Variants in MAP4 observed in about 807,000 individuals in gnomAD.
The protein encoded by MAP4 is microtubule-associated protein 4.
MAP4 carries 76 observed loss-of-function variants against 170.2 expected under a neutral mutation model. That is an observed-to-expected ratio of 0.45 (90% CI 0.37 to 0.54). The LOEUF (loss-of-function observed/expected upper bound fraction) is 0.54, where lower values mean the gene tolerates loss of function less well. Ranked by LOEUF, MAP4 falls within the 20% of genes least tolerant of loss-of-function variation. The pLI is 0.00. For missense variants in MAP4, 2,506 were observed against 2,748.0 expected (o/e 0.91, Z 1.97); for synonymous variants, 909 against 994.5 (o/e 0.91, Z 1.62).
chr3:48,055,109 G>A (rs144199112), intron 1 of MAP4, among the ~76,000 whole-genome samples: 4 of 152,248 alleles, frequency 2.6e-5, no homozygotes, highest in East Asian at 1.9e-4. Flanking sequence ...CAAGATCAGC[G>A]GGGACCACGT....
chr3:48,002,981 A>AT (rs1421878452), intron 1 of MAP4, among the ~76,000 whole-genome samples: 3 of 150,346 alleles, frequency 2.0e-5, no homozygotes, highest in African/African-American at 7.4e-5. Flanking sequence ...AAATAAATAA[A>AT]TAAATAAATA....
intron 1 of MAP4, among the ~76,000 whole-genome samples, chr3:48,062,173 G>C (rs1232265491): frequency 6.6e-6 from 1 of 152,106 alleles, no homozygotes; most frequent in Non-Finnish European, 1.5e-5. Context: ...TTCTGCCTTG[G>C]GATGCTGTTG....
intron 3 of MAP4, among the ~76,000 whole-genome samples, chr3:47,952,237 C>T (rs1481371936): frequency 6.6e-6 from 1 of 151,726 alleles, no homozygotes; most frequent in Non-Finnish European, 1.5e-5. Context: ...CACCCGGCAG[C>T]CGCCCCGTCC....
In MAP4 at chr3:47,909,885, A is replaced by G. The variant is rs904254371; in HGVS notation, c.4536T>C (p.Ile1512=). 7.4e-6 allele frequency: 12 copies of G among 1,613,948 alleles called. No homozygotes were observed. The African/African-American group carries it at 1.6e-4, about 22-fold the overall frequency. Residue 1512 remains isoleucine, a synonymous_variant, in exon 9 of 21, where the codon ATT becomes ATC. Transcript: ENST00000683076. Reference sequence around the variant, plus strand: ...TGTTAACTGTTTCTATGGCTGTTGTAATAGGTAGAGCAACTCCTCCTGTGC... The same window carrying G: ...TGTTAACTGTTTCTATGGCTGTTGTGATAGGTAGAGCAACTCCTCCTGTGC... ...STSTGGVALP[I]TTAIETVNIH...
rs1466672557 is a variant in MAP4 at position 47,956,739 on chromosome 3, C to T, written c.292+21126G>A. Among the ~76,000 whole-genome samples, 7 of 152,276 alleles carry T rather than the reference C, an allele frequency of 4.6e-5. No individual in the cohort carries two copies. In the South Asian group the frequency reaches 1.0e-3, roughly 23 times the overall value. ...CTTAATAAGCAAGTTGACAAAATGA[C>T]GTACTTCATGAATATAAATGTTAGA... On this transcript the variant is annotated intron_variant, in intron 3 of 20. Coordinates refer to ENST00000683076, the MANE Select transcript of MAP4 (RefSeq NM_001385682.1).
chr3:48,062,494 TAA>T (rs1156947592), intron 1 of MAP4, among the ~76,000 whole-genome samples: 1,192 of 81,538 alleles, frequency 0.015, 3 homozygotes, highest in African/African-American at 0.02. Flanking sequence ...GAATGATCAA[TAA>T]AAAAAAAAAA....
Position 47,859,395 on chromosome 3 carries a change from G to C in MAP4, c.6502-1883C>G, listed in dbSNP as rs370173539. 2.6e-5 allele frequency among the ~76,000 whole-genome samples: 4 copies of C among 152,274 alleles called. No individual in the cohort carries two copies. The South Asian group carries it at 8.3e-4, about 32-fold the overall frequency. On this transcript the variant is annotated intron_variant, in intron 17 of 20. Coordinates refer to ENST00000683076, the MANE Select transcript of MAP4 (RefSeq NM_001385682.1). Reference sequence around the variant, plus strand: ...TATAGTCTTCACCATGTTTCCAGAGGACAGATATAATGCCACCAGTATTTT... The same window carrying C: ...TATAGTCTTCACCATGTTTCCAGAGCACAGATATAATGCCACCAGTATTTT...
chr3:47,855,403 T>C lies in MAP4; in HGVS notation c.6584-43A>G. On this transcript the variant is annotated intron_variant, in intron 18 of 20. Coordinates refer to ENST00000683076, the MANE Select transcript of MAP4 (RefSeq NM_001385682.1). This position sits in a 1 kb window ranked among gnomAD's most constrained non-coding sequence, Gnocchi z 5.1. ...CTGGTCACCTAGGGTGGCAGAGGAATATCCCTGCAGGCAAAACCAGGACTA... is the reference window on the plus strand; with the variant it reads ...CTGGTCACCTAGGGTGGCAGAGGAACATCCCTGCAGGCAAAACCAGGACTA... The C allele has an allele frequency of 1.6e-6, 2 of 1,251,786 alleles. No homozygotes were observed. The highest frequency in any genetic ancestry group is 1.2e-6 in the Non-Finnish European group (1 of 849,074). 77.5% of individuals were successfully genotyped at this position (1,251,786 alleles called of 1,614,324 possible). A position where few individuals can be genotyped will look rare whatever the true frequency, so the allele number is the denominator to read the frequency against.
Position 47,922,460 on chromosome 3 carries a change from TAACA to T in MAP4, c.416-586_416-583del, listed in dbSNP as rs1217779141. 5.9e-5 allele frequency among the ~76,000 whole-genome samples: 9 copies of T among 152,044 alleles called. No individual in the cohort carries two copies. In the East Asian group the frequency reaches 1.7e-3, roughly 29 times the overall value. On this transcript the variant is annotated intron_variant, in intron 4 of 20. Transcript: ENST00000683076. ...AAAGGGCAACTAATGCTCAGCTGTA[TAACA>T]AACACTCTGAGAGGTGAAAGTATAA...
At chr3:48,034,831 A>G (rs1165723050) in intron 1 of MAP4, among the ~76,000 whole-genome samples, 1 of 151,876 alleles carries the variant, frequency 6.6e-6, no homozygotes, top group Non-Finnish European at 1.5e-5. Flanking sequence ...TAGGCAACAT[A>G]CTGAGACCTT....
chr3:48,024,115 T>C (rs2100111903), intron 1 of MAP4, among the ~76,000 whole-genome samples: 1 of 152,076 alleles, frequency 6.6e-6, no homozygotes, highest in Non-Finnish European at 1.5e-5. Context: ...ATCGAGACCA[T>C]CCAGGCCAAC....
intron 2 of MAP4, among the ~76,000 whole-genome samples, chr3:47,987,840 G>C (rs1024203455): frequency 4.6e-5 from 7 of 152,086 alleles, no homozygotes; most frequent in African/African-American, 1.7e-4. Context: ...AGTCTGATGA[G>C]AGTGAATTCA....
chr3:48,053,375 T>C (rs1218026049), intron 1 of MAP4, among the ~76,000 whole-genome samples: 1 of 152,052 alleles, frequency 6.6e-6, no homozygotes, highest in Non-Finnish European at 1.5e-5. Flanking sequence ...GAAACAACAC[T>C]GCTAGTATCT....
chr3:47,855,766 A>T lies in MAP4; in HGVS notation c.6584-406T>A, dbSNP rs2054676705. Among the ~76,000 whole-genome samples, 1 of 152,132 alleles carries T rather than the reference A, an allele frequency of 6.6e-6. No homozygotes were observed. On this transcript the variant is annotated intron_variant, in intron 18 of 20. Transcript: ENST00000683076. The surrounding 1 kb of genome is among the most constrained non-coding windows in gnomAD (Gnocchi z 5.1). ...GGCACAGCCTCACTGAATTCTCATG[A>T]ATGCCCTGTCATCACGGCCACGGTC...
Position 47,855,257 on chromosome 3 carries a change from ACCT to A in MAP4, c.6684_6686del (p.Gly2229del). On this transcript the variant is annotated inframe_deletion, in exon 19 of 21. Transcript: ENST00000683076. This position sits in a 1 kb window ranked among gnomAD's most constrained non-coding sequence, Gnocchi z 5.1. ...GTGACCCACTCGCTACCTTCACAGCACCTCCTGCAGGTAGGTGGCCCACATTAT... is the reference window on the plus strand; with the variant it reads ...GTGACCCACTCGCTACCTTCACAGCACCTGCAGGTAGGTGGCCCACATTAT... 1 of 1,612,524 alleles carries A rather than the reference ACCT, an allele frequency of 6.2e-7. No homozygotes were observed.
chr3:48,056,532 GT>G (rs2100131802), intron 1 of MAP4, among the ~76,000 whole-genome samples: 1 of 88,754 alleles, frequency 1.1e-5, no homozygotes, highest in Non-Finnish European at 2.2e-5. Flanking sequence ...CGTCTGGGAG[GT>G]GAGGGGCGCC....
chr3:47,934,003 G>A (rs2100051361), intron 3 of MAP4, among the ~76,000 whole-genome samples: 1 of 152,124 alleles, frequency 6.6e-6, no homozygotes, highest in African/African-American at 2.4e-5. Flanking sequence ...TGTACTCTAT[G>A]TATGTATTCA....
chr3:48,083,318 A>G (rs2154571325), intron 1 of MAP4, among the ~76,000 whole-genome samples: 1 of 152,346 alleles, frequency 6.6e-6, no homozygotes, highest in African/African-American at 2.4e-5. Flanking sequence ...AAATTATTTA[A>G]AAGGAGTTTT....
chr3:47,903,025 T>C (rs1324140697), intron 9 of MAP4, 25 bp from the exon 10 acceptor site: 1 of 973,510 alleles, frequency 1.0e-6, no homozygotes, highest in South Asian at 4.8e-5. Flanking sequence ...GAAAGCCAGA[T>C]TATAAGAAGA....
Sources: gnomAD v4.1 joint callset for allele counts (sites outside exome capture counted in the v4.1 genomes callset) on GRCh38, gnomAD v4.1.1 for gene constraint, Gnocchi (gnomAD v3.1) non-coding constraint, MANE v1.5 for transcripts, NCBI Gene and HGNC (gene_info 2026-07-23, HGNC 2026-07-21) for gene names.